Variants in TASP1 observed in about 807,000 individuals in gnomAD.
The protein encoded by TASP1 is taspase 1, also known as threonine aspartase 1.
A neutral mutation model predicts 56.6 loss-of-function variants in TASP1; 16 were observed. That is an observed-to-expected ratio of 0.28 (90% CI 0.19 to 0.43). The LOEUF (loss-of-function observed/expected upper bound fraction) is 0.43. Ranked by LOEUF, TASP1 falls within the 20% of genes least tolerant of loss-of-function variation. TASP1 has a pLI of 1.00. For synonymous variants in TASP1, 179 were observed against 184.2 expected (o/e 0.97, Z 0.23); for missense variants, 393 against 511.6 (o/e 0.77, Z 2.24).
the TASP1 span, among the ~76,000 whole-genome samples, chr20:13,333,225 C>T: frequency 2.0e-5 from 3 of 152,214 alleles, no homozygotes; most frequent in African/African-American, 7.2e-5. Context: ...AGTGATTCTG[C>T]ACTTTTCATT....
intron 4 of TASP1, among the ~76,000 whole-genome samples, chr20:13,618,350 T>C (rs1169913337): frequency 6.6e-6 from 1 of 152,066 alleles, no homozygotes; most frequent in East Asian, 1.9e-4. Context: ...GAGGTGGAGA[T>C]TGCAGTGAGC....
intron 10 of TASP1, among the ~76,000 whole-genome samples, chr20:13,498,607 G>A (rs552151840): frequency 4.6e-5 from 7 of 151,926 alleles, no homozygotes; most frequent in Admixed American, 2.0e-4. Context: ...GCCTCTCAAA[G>A]TGCTAGGATT....
chr20:13,577,030 T>C (rs182861364), intron 6 of TASP1, among the ~76,000 whole-genome samples: 22 of 152,232 alleles, frequency 1.4e-4, no homozygotes, highest in African/African-American at 4.1e-4. Flanking sequence ...CAAAGAAAAT[T>C]AGAGTATTGT....
At chr20:13,222,915 C>A in the TASP1 span, among the ~76,000 whole-genome samples, 1 of 152,164 alleles carries the variant, frequency 6.6e-6, no homozygotes, top group African/African-American at 2.4e-5. Flanking sequence ...GTGATCCCAG[C>A]ACTTTAGCAG....
chr20:13,564,667 A>G (rs894977771), intron 7 of TASP1, among the ~76,000 whole-genome samples: 3 of 151,998 alleles, frequency 2.0e-5, no homozygotes, highest in African/African-American at 7.2e-5. Context: ...TGGAAGTCTC[A>G]CTTCCTAATT....
chr20:13,260,602 GTT>G, the TASP1 span, among the ~76,000 whole-genome samples: 1 of 145,200 alleles, frequency 6.9e-6, no homozygotes, highest in Non-Finnish European at 1.5e-5. Flanking sequence ...ATAAAGTGGA[GTT>G]TTTTTTTTTT....
chr20:13,410,175 A>G (rs1273303635), intron 13 of TASP1, among the ~76,000 whole-genome samples: 1 of 152,186 alleles, frequency 6.6e-6, no homozygotes, highest in African/African-American at 2.4e-5. Flanking sequence ...AATATGCCCA[A>G]TAGTATTCCA....
the TASP1 span, chr20:13,239,018 G>T: frequency 6.6e-6 from 1 of 152,246 alleles, no homozygotes; most frequent in Non-Finnish European, 1.5e-5. Flanking sequence ...TACTGAGAGT[G>T]TGAAGTGTGA....
the TASP1 span, among the ~76,000 whole-genome samples, chr20:13,114,252 G>C: frequency 6.6e-6 from 1 of 152,180 alleles, no homozygotes; most frequent in Non-Finnish European, 1.5e-5. Flanking sequence ...ATGATTTGGG[G>C]TTTAAAACTA....
chr20:13,608,136 T>C (rs1313551608), intron 4 of TASP1, among the ~76,000 whole-genome samples: 1 of 152,224 alleles, frequency 6.6e-6, no homozygotes, highest in East Asian at 1.9e-4. Flanking sequence ...GTCATTATAC[T>C]CTTTTTCAAA....
At chr20:13,372,833 C>A in the TASP1 span, among the ~76,000 whole-genome samples, 1 of 151,878 alleles carries the variant, frequency 6.6e-6, no homozygotes, top group East Asian at 1.9e-4. Context: ...TTACCATATA[C>A]ATCAGAATTC....
At chr20:13,272,909 A>C in the TASP1 span, among the ~76,000 whole-genome samples, 1 of 152,248 alleles carries the variant, frequency 6.6e-6, no homozygotes, top group African/African-American at 2.4e-5. Flanking sequence ...GCCCAAAACA[A>C]TCTGAAGCCT....
chr20:13,117,035 T>A, the TASP1 span, among the ~76,000 whole-genome samples: 1 of 152,200 alleles, frequency 6.6e-6, no homozygotes, highest in Admixed American at 6.5e-5. Context: ...TTAAATAAAG[T>A]TCTGTGTCTT....
chr20:13,144,571 ATT>A, the TASP1 span, among the ~76,000 whole-genome samples: 1 of 152,242 alleles, frequency 6.6e-6, no homozygotes, highest in Non-Finnish European at 1.5e-5. Flanking sequence ...AGGCTGAATT[ATT>A]CTCTGGTGTC....
chr20:13,560,993 A>G (rs932431429), intron 7 of TASP1, among the ~76,000 whole-genome samples: 1 of 152,202 alleles, frequency 6.6e-6, no homozygotes, highest in African/African-American at 2.4e-5. Context: ...AGGGATCCCC[A>G]ATAATATTAT....
At chr20:13,164,065 C>A in the TASP1 span, among the ~76,000 whole-genome samples, 11 of 152,196 alleles carry the variant, frequency 7.2e-5, no homozygotes, top group East Asian at 1.5e-3. Context: ...TCCCCCCATC[C>A]CACAACAGTC....
the TASP1 span, among the ~76,000 whole-genome samples, chr20:13,295,020 C>G: frequency 6.6e-6 from 1 of 152,132 alleles, no homozygotes; most frequent in Non-Finnish European, 1.5e-5. Context: ...CTTCCTCGTT[C>G]TATTGATGAG....
At chr20:13,508,870 C>A (rs1205468309) in intron 10 of TASP1, among the ~76,000 whole-genome samples, 2 of 152,244 alleles carry the variant, frequency 1.3e-5, no homozygotes, top group East Asian at 1.9e-4. Flanking sequence ...GAAAAGGGAA[C>A]CCTTGTACAC....
chr20:13,558,956 A>T (rs910971020), intron 8 of TASP1, 52 bp downstream of exon 8: 66 of 1,156,006 alleles, frequency 5.7e-5, no homozygotes, highest in Non-Finnish European at 8.0e-5. Context: ...ATCTAAATGC[A>T]GAAGATATAT....
Sources: gnomAD v4.1 joint callset for allele counts (sites outside exome capture counted in the v4.1 genomes callset) on GRCh38, gnomAD v4.1.1 for gene constraint, MANE v1.5 for transcripts, NCBI Gene and HGNC (gene_info 2026-07-23, HGNC 2026-07-21) for gene names.